IGSF11: variants seen among roughly 807,000 people sequenced by gnomAD.
The protein encoded by IGSF11 is immunoglobulin superfamily member 11.
Under a neutral mutation model 41.0 loss-of-function variants are expected in IGSF11, and 22 were observed. The ratio of observed to expected loss-of-function variants is 0.54; its 90% CI spans 0.38 to 0.77. IGSF11 has a LOEUF of 0.77. Among genes scored for constraint, IGSF11 ranks in the 30% least tolerant of loss-of-function variants. The probability of loss-of-function intolerance (pLI) is 0.00; values close to 1 mark genes in which losing one functional copy is unlikely to be tolerated. For missense variants in IGSF11, 444 were observed against 530.8 expected (o/e 0.84, Z 1.61); for synonymous variants, 219 against 201.3 (o/e 1.09, Z -0.74).
At chr3:119,054,852 T>G (rs1454622256) in intron 1 of IGSF11, among the ~76,000 whole-genome samples, 1 of 152,066 alleles carries the variant, frequency 6.6e-6, no homozygotes, top group Non-Finnish European at 1.5e-5. Context: ...GCACACAGCT[T>G]GAGATCTGAG....
intron 1 of IGSF11, among the ~76,000 whole-genome samples, chr3:119,061,956 G>A (rs971593150): frequency 3.9e-5 from 6 of 152,070 alleles, no homozygotes; most frequent in Admixed American, 6.5e-5. Flanking sequence ...TAAAAGGTTT[G>A]CTTAATTTCA....
chr3:118,913,397 C>A (rs1352427333), intron 4 of IGSF11, among the ~76,000 whole-genome samples: 1 of 152,026 alleles, frequency 6.6e-6, no homozygotes, highest in Non-Finnish European at 1.5e-5. Flanking sequence ...CTACAGAACA[C>A]CAAGTACAAA....
chr3:119,087,464 A>G lies in IGSF11; in HGVS notation c.49+17680T>C, dbSNP rs552035931. ...ACCCATAAAAAGGAATGAAATAATG[A>G]CATACACAGCAACCTGGATGGAATT... On this transcript the variant is annotated intron_variant, in intron 1 of 6. Coordinates refer to the IGSF11 transcript ENST00000354673. Among the ~76,000 whole-genome samples the G allele has an allele frequency of 4.6e-5, 7 of 152,250 alleles. No individual in the cohort carries two copies. The South Asian group carries it at 1.5e-3, about 32-fold the overall frequency.
rs1400840917 is a variant in IGSF11 at position 119,006,376 on chromosome 3, TCA to T, written c.52+28153_52+28154del. Among the ~76,000 whole-genome samples the T allele has an allele frequency of 3.3e-5, 3 of 91,652 alleles. No homozygotes were observed. The East Asian group carries it at 8.4e-4, about 26-fold the overall frequency. 60.1% of individuals were successfully genotyped at this position (91,652 alleles called of 152,430 possible). ...AGTTATACATTCTTCTAAATTTTTTTCAAAGTTTTCCACTTCTTTGCCTTTGG... is the reference window on the plus strand; with the variant it reads ...AGTTATACATTCTTCTAAATTTTTTTAAGTTTTCCACTTCTTTGCCTTTGG... On this transcript the variant is annotated intron_variant, in intron 1 of 6. Coordinates refer to ENST00000393775, the MANE Select transcript of IGSF11 (RefSeq NM_001015887.3).
intron 1 of IGSF11, among the ~76,000 whole-genome samples, chr3:119,111,655 A>G (rs1187226127): frequency 6.6e-6 from 1 of 152,194 alleles, no homozygotes; most frequent in African/African-American, 2.4e-5. Context: ...CCTTTGGAGG[A>G]GGAGAGGCGC....
At chr3:118,963,497 T>C (rs546424779) in intron 1 of IGSF11, among the ~76,000 whole-genome samples, 1 of 152,306 alleles carries the variant, frequency 6.6e-6, no homozygotes, top group East Asian at 1.9e-4. Flanking sequence ...CTGATGAGGG[T>C]TGAGGTGCTA....
At chr3:119,109,796 T>C (rs2077112426), upstream of IGSF11, among the ~76,000 whole-genome samples, 1 of 152,222 alleles carries the variant, frequency 6.6e-6, no homozygotes, top group Non-Finnish European at 1.5e-5. Context: ...TGTGTCTTTG[T>C]TCTCGTTGGT....
intron 4 of IGSF11, among the ~76,000 whole-genome samples, chr3:118,921,629 T>G (rs1941806018): frequency 6.6e-6 from 1 of 152,058 alleles, no homozygotes; most frequent in South Asian, 2.1e-4. Flanking sequence ...ATAAGAAAAC[T>G]AAGACACAAG....
At chr3:119,086,358 G>T (rs2076672963) in intron 1 of IGSF11, among the ~76,000 whole-genome samples, 1 of 152,052 alleles carries the variant, frequency 6.6e-6, no homozygotes, top group Non-Finnish European at 1.5e-5. Flanking sequence ...TGCTAGGCAG[G>T]TTGACATGCA....
chr3:119,097,328 G>T (rs2076868921), intron 1 of IGSF11, among the ~76,000 whole-genome samples: 1 of 152,082 alleles, frequency 6.6e-6, no homozygotes, highest in African/African-American at 2.4e-5. Context: ...TATAATTATG[G>T]CATCTCTCTG....
At chr3:119,069,919 C>A (rs931500814) in intron 1 of IGSF11, among the ~76,000 whole-genome samples, 3 of 152,126 alleles carry the variant, frequency 2.0e-5, no homozygotes, top group African/African-American at 7.2e-5. Context: ...ATGATTCACT[C>A]GAGTATGAGA....
chr3:119,021,432 TTC>T (rs1400548775), intron 1 of IGSF11, among the ~76,000 whole-genome samples: 11 of 152,050 alleles, frequency 7.2e-5, no homozygotes, highest in Non-Finnish European at 1.5e-4. Context: ...ATATATAGAA[TTC>T]TGTTTGGGAC....
rs1407586850 is a variant in IGSF11 at position 119,034,737 on chromosome 3, C to G, written c.-155G>C. On this transcript the variant is annotated 5_prime_UTR_variant, in exon 1 of 7. Transcript: ENST00000393775. ...CGCGCAGAGCTGGGACTGTCAGACC[C>G]ACAGACGAGCCAAGTGCAGCTGCAG... 19 of 1,338,410 alleles carry G rather than the reference C, an allele frequency of 1.4e-5. No homozygotes were observed. Among genetic ancestry groups the G allele is most frequent in the Non-Finnish European group, 1.8e-5 (19 of 1,041,732 alleles). The allele number at this position is 1,338,410 out of a possible 1,614,324, so 82.9% of individuals were successfully genotyped here. A position where few individuals can be genotyped will look rare whatever the true frequency, so the allele number is the denominator to read the frequency against.
Position 119,083,529 on chromosome 3 carries a change from C to CAA in IGSF11, c.49+21614_49+21615insTT, listed in dbSNP as rs1312665663. The stretch of plus-strand genomic sequence containing the variant: ...TCACACACACACACACACACACACA[C>CAA]ACACACAAACACACACACACACACA... On this transcript the variant is annotated intron_variant, in intron 1 of 6. Transcript: ENST00000354673. Among the ~76,000 whole-genome samples the CAA allele has an allele frequency of 6.6e-3, 372 of 56,170 alleles. 3 individuals carry two copies. Among genetic ancestry groups the CAA allele is most frequent in the African/African-American group, 0.021 (354 of 16,910 alleles). The allele number at this position is 56,170 out of a possible 152,430, so 36.8% of individuals were successfully genotyped here. A position where few individuals can be genotyped will look rare whatever the true frequency, so the allele number is the denominator to read the frequency against.
chr3:119,095,669 A>T (rs932578620), intron 1 of IGSF11, among the ~76,000 whole-genome samples: 1 of 152,182 alleles, frequency 6.6e-6, no homozygotes, highest in African/African-American at 2.4e-5. Flanking sequence ...ACATCCTCCA[A>T]GTCTCACAGA....
intron 4 of IGSF11, among the ~76,000 whole-genome samples, chr3:118,923,616 A>C (rs1411997401): frequency 6.6e-6 from 1 of 152,134 alleles, no homozygotes; most frequent in African/African-American, 2.4e-5. Flanking sequence ...CATTATTGGA[A>C]CGCTAAGCAT....
chr3:118,954,380 T>C lies in IGSF11; in HGVS notation c.53-24105A>G, dbSNP rs139490125. 1.4e-4 allele frequency among the ~76,000 whole-genome samples: 22 copies of C among 152,240 alleles called. No individual in the cohort carries two copies. The South Asian group carries it at 4.4e-3, about 30-fold the overall frequency. On this transcript the variant is annotated intron_variant, in intron 1 of 6. Coordinates refer to ENST00000393775, the MANE Select transcript of IGSF11 (RefSeq NM_001015887.3). ...TTCTTTTTACTTAGCCTTGTTTGGC[T>C]ATGAAGGCTTTTTTGGGGGGTTCCA...
intron 6 of IGSF11, among the ~76,000 whole-genome samples, chr3:118,903,983 G>T (rs1384098358): frequency 1.3e-5 from 2 of 152,180 alleles, no homozygotes; most frequent in African/African-American, 2.4e-5. Flanking sequence ...AGACTGGAAG[G>T]CAAAGTGAGC....
chr3:118,928,491 G>GCTGT lies in IGSF11; in HGVS notation c.424+17_424+18insACAG. The GCTGT allele has an allele frequency of 6.2e-7, 1 of 1,602,162 alleles. No individual in the cohort carries two copies. Among genetic ancestry groups the GCTGT allele is most frequent in the Non-Finnish European group, 8.5e-7 (1 of 1,170,774 alleles). On this transcript the variant is annotated intron_variant, in intron 3 of 6. Transcript: ENST00000393775. ...CGTGAGTAAAGCCCGAACAGCCAAG[G>GCTGT]ACTCTTGTGTCACTCACCTAACACT...
Sources: allele counts gnomAD v4.1 joint callset (sites outside exome capture counted in the v4.1 genomes callset), GRCh38; gene constraint gnomAD v4.1.1; transcripts MANE v1.5; gene names NCBI Gene and HGNC (gene_info 2026-07-23, HGNC 2026-07-21).